EYA1: variants seen among roughly 807,000 people sequenced by gnomAD.
EYA1 encodes the protein protein phosphatase EYA1.
A neutral mutation model predicts 82.0 loss-of-function variants in EYA1; 16 were observed. The observed-to-expected ratio is 0.20, with a 90% confidence interval of 0.13 to 0.30. The LOEUF is 0.30. Ranked by LOEUF, EYA1 falls within the 10% of genes least tolerant of loss-of-function variation. The pLI is 1.00. For missense variants in EYA1, 633 were observed against 730.7 expected (o/e 0.87, Z 1.54); for synonymous variants, 261 against 264.4 (o/e 0.99, Z 0.12).
intron 2 of EYA1, among the ~76,000 whole-genome samples, chr8:71,534,141 A>G (rs1420833554): frequency 6.6e-6 from 1 of 152,234 alleles, no homozygotes; most frequent in Non-Finnish European, 1.5e-5. Context: ...TTAGTTGGTG[A>G]TTCTCCAGTG....
chr8:71,530,584 C>G (rs1025047340), intron 2 of EYA1, among the ~76,000 whole-genome samples: 1 of 152,054 alleles, frequency 6.6e-6, no homozygotes, highest in Non-Finnish European at 1.5e-5. Flanking sequence ...TAAATGCAAC[C>G]CTGATTTAGT....
chr8:71,519,943 TAAA>T (rs1416522140), intron 2 of EYA1, among the ~76,000 whole-genome samples: 2 of 152,210 alleles, frequency 1.3e-5, no homozygotes, highest in East Asian at 3.8e-4. Context: ...TAAATGGTGA[TAAA>T]ATCTAATACT....
intron 12 of EYA1, among the ~76,000 whole-genome samples, chr8:71,238,143 T>C (rs1812065660): frequency 6.6e-6 from 1 of 152,148 alleles, no homozygotes; most frequent in Admixed American, 6.5e-5. Context: ...TTTTTAACTG[T>C]TTACCTATTT....
At chr8:71,204,243 C>T (rs138351030) in intron 17 of EYA1, 1 of 152,176 alleles carries the variant, frequency 6.6e-6, no homozygotes, top group Non-Finnish European at 1.5e-5. Flanking sequence ...CCTGGAGCAA[C>T]TTCAAAAATC....
chr8:71,216,729 T>G lies in EYA1; in HGVS notation c.1323A>C (p.Val441=), dbSNP rs776475658. Residue 441 remains valine (V), a synonymous_variant, in exon 14 of 18, where the codon GTA becomes GTC. Coordinates refer to ENST00000340726, the MANE Select transcript of EYA1 (RefSeq NM_000503.6). The part of the protein sequence containing the change: ...MRKLAFRYRR[V]KEIYNTYKNN... ...TTTTGTAGGTGTTGTAGATCTCTTT[T>G]ACCCGTCTGTAGCGGAAGGCCAACT... 3.1e-6 allele frequency: 5 copies of G among 1,613,130 alleles called. No homozygotes were observed. The Admixed American group carries it at 6.7e-5, about 22-fold the overall frequency.
intron 17 of EYA1, among the ~76,000 whole-genome samples, chr8:71,208,717 T>TTAAAG (rs1260290626): frequency 7.3e-6 from 1 of 136,260 alleles, no homozygotes; most frequent in Non-Finnish European, 1.5e-5. Context: ...ACCCTAGAAC[T>TTAAAG]TAAAGTATAA....
intron 7 of EYA1, among the ~76,000 whole-genome samples, chr8:71,305,794 G>T (rs78525905): frequency 0.01 from 1,570 of 152,006 alleles, 30 homozygotes; most frequent in African/African-American, 0.035. Context: ...TTAAGATACA[G>T]CATTATTTGT....
At chr8:71,269,161 G>A (rs1379026893) in intron 11 of EYA1, among the ~76,000 whole-genome samples, 2 of 152,092 alleles carry the variant, frequency 1.3e-5, no homozygotes, top group Non-Finnish European at 2.9e-5. Flanking sequence ...CACAGAAGGT[G>A]GTCTATAATA....
At chr8:71,387,930 T>C (rs1279504615) in intron 2 of EYA1, among the ~76,000 whole-genome samples, 1 of 152,068 alleles carries the variant, frequency 6.6e-6, no homozygotes, top group Admixed American at 6.6e-5. Flanking sequence ...GCATTAGGAA[T>C]CATCAGCAAA....
chr8:71,481,914 C>G (rs1446799045), intron 2 of EYA1, among the ~76,000 whole-genome samples: 1 of 152,060 alleles, frequency 6.6e-6, no homozygotes, highest in African/African-American at 2.4e-5. Flanking sequence ...TGATGCCCAT[C>G]AGAAAGCAAG....
chr8:71,227,673 A>AT (rs554681782), intron 12 of EYA1, among the ~76,000 whole-genome samples: 3 of 151,286 alleles, frequency 2.0e-5, no homozygotes, highest in East Asian at 1.9e-4. Flanking sequence ...GTCATACATT[A>AT]TTTTTTTTTC....
At chr8:71,394,473 G>A (rs540560130) in intron 2 of EYA1, among the ~76,000 whole-genome samples, 53 of 152,222 alleles carry the variant, frequency 3.5e-4, no homozygotes, top group African/African-American at 1.2e-3. Context: ...TTTGTATAAG[G>A]TGTAAGGAAG....
At chr8:71,346,001 C>CA (rs986875563) in intron 3 of EYA1, among the ~76,000 whole-genome samples, 6 of 151,968 alleles carry the variant, frequency 3.9e-5, no homozygotes, top group African/African-American at 1.5e-4. Flanking sequence ...AACACACACA[C>CA]ACACGTGCAC....
At chr8:71,315,182 T>G (rs1352160697) in intron 7 of EYA1, among the ~76,000 whole-genome samples, 1 of 152,196 alleles carries the variant, frequency 6.6e-6, no homozygotes. Flanking sequence ...TACAAAGTAA[T>G]GTACTTCTAA....
intron 2 of EYA1, among the ~76,000 whole-genome samples, chr8:71,436,361 T>C (rs753594471): frequency 1.3e-5 from 2 of 152,154 alleles, no homozygotes; most frequent in Non-Finnish European, 2.9e-5. Flanking sequence ...ATTATTTACT[T>C]GTCTGATGTA....
At chr8:71,242,137 C>T (rs1812544435) in intron 12 of EYA1, among the ~76,000 whole-genome samples, 1 of 152,090 alleles carries the variant, frequency 6.6e-6, no homozygotes, top group Admixed American at 6.5e-5. Context: ...ACCTGGGAGG[C>T]AGAGGGTGCA....
At chr8:71,214,212 A>T (rs1422720658) in intron 16 of EYA1, among the ~76,000 whole-genome samples, 1 of 152,106 alleles carries the variant, frequency 6.6e-6, no homozygotes, top group African/African-American at 2.4e-5. Context: ...GGACTAAAAT[A>T]ACATTCCTCT....
intron 10 of EYA1, among the ~76,000 whole-genome samples, chr8:71,270,446 T>C (rs1311747625): frequency 2.6e-5 from 4 of 152,184 alleles, no homozygotes; most frequent in African/African-American, 7.2e-5. Context: ...AGACATACTC[T>C]TGAAGTATTT....
At chr8:71,354,083 A>C (rs1268446572) in intron 3 of EYA1, among the ~76,000 whole-genome samples, 1 of 152,098 alleles carries the variant, frequency 6.6e-6, no homozygotes, top group Admixed American at 6.6e-5. Flanking sequence ...TTATATGTTT[A>C]ATCTTAAGTA....
Sources: allele counts gnomAD v4.1 joint callset (sites outside exome capture counted in the v4.1 genomes callset), GRCh38; gene constraint gnomAD v4.1.1; transcripts MANE v1.5; gene names NCBI Gene and HGNC (gene_info 2026-07-23, HGNC 2026-07-21).